SORCS3: variants seen among roughly 807,000 people sequenced by gnomAD.
SORCS3 encodes VPS10 domain-containing receptor SorCS3.
Under a neutral mutation model 146.3 loss-of-function variants are expected in SORCS3, and 57 were observed. That is an observed-to-expected ratio of 0.39 (90% CI 0.31 to 0.49). The LOEUF (loss-of-function observed/expected upper bound fraction) is 0.49, where lower values mean the gene tolerates loss of function less well. Among genes scored for constraint, SORCS3 ranks in the 20% least tolerant of loss-of-function variants. The probability of loss-of-function intolerance (pLI) is 0.92; values close to 1 mark genes in which losing one functional copy is unlikely to be tolerated. For missense variants in SORCS3, 1,341 were observed against 1,575.5 expected, an observed-to-expected ratio of 0.85 and a Z score of 2.52; for synonymous variants, 653 against 618.5, an observed-to-expected ratio of 1.06 and a Z score of -0.83.
chr10:104,974,473 C>G (rs768954444), intron 3 of SORCS3, among the ~76,000 whole-genome samples: 1 of 152,100 alleles, frequency 6.6e-6, no homozygotes, highest in Non-Finnish European at 1.5e-5. Context: ...ATCTTTTGAT[C>G]TTTGTTGTTT....
At chr10:104,868,329 G>T (rs1378404793) in intron 2 of SORCS3, among the ~76,000 whole-genome samples, 1 of 152,200 alleles carries the variant, frequency 6.6e-6, no homozygotes, top group Admixed American at 6.5e-5. Context: ...TATGAGCAAA[G>T]TTCTAACCCC....
At chr10:104,803,715 C>T (rs1390329531) in intron 1 of SORCS3, among the ~76,000 whole-genome samples, 2 of 152,240 alleles carry the variant, frequency 1.3e-5, no homozygotes, top group South Asian at 2.1e-4. Context: ...CTATGTGAGT[C>T]CCCAGGCTCA....
chr10:104,976,292 C>CA (rs1239851041), intron 3 of SORCS3, among the ~76,000 whole-genome samples: 3 of 151,988 alleles, frequency 2.0e-5, no homozygotes, highest in Non-Finnish European at 2.9e-5. Flanking sequence ...TTTATGCAGC[C>CA]AAAAAACACA....
chr10:104,832,516 G>A, intron 1 of SORCS3, among the ~76,000 whole-genome samples: 1 of 152,100 alleles, frequency 6.6e-6, no homozygotes, highest in South Asian at 2.1e-4. Context: ...TTAAGAGTTT[G>A]AGACCAGCCT....
intron 5 of SORCS3, among the ~76,000 whole-genome samples, chr10:105,074,123 C>T (rs944966950): frequency 9.9e-5 from 15 of 152,140 alleles, no homozygotes; most frequent in African/African-American, 3.6e-4. Context: ...AAATAAGGTG[C>T]CTGCCACAGA....
At chr10:104,655,057 A>G (rs951500772) in intron 1 of SORCS3, among the ~76,000 whole-genome samples, 19 of 152,320 alleles carry the variant, frequency 1.2e-4, no homozygotes, top group African/African-American at 4.3e-4. Flanking sequence ...GTTTGAGACC[A>G]GCCTGGCCAA....
At chr10:105,105,587 G>A (rs2055815327) in intron 7 of SORCS3, 72 bp downstream of exon 7, 1 of 1,077,462 alleles carries the variant, frequency 9.3e-7, no homozygotes, top group Non-Finnish European at 1.4e-6. Flanking sequence ...GGAAAAGGAG[G>A]GTGGCTTTCC....
chr10:104,768,731 A>G lies in SORCS3; in HGVS notation c.628-74061A>G, dbSNP rs147137521. On this transcript the variant is annotated intron_variant, in intron 1 of 26. Transcript: ENST00000369701. The stretch of plus-strand genomic sequence containing the variant: ...TCAGAAGCTTCACAAGTCAGAGGTT[A>G]CCCCTTGCTCCCTCCAACCCAATTT... Among the ~76,000 whole-genome samples the G allele has an allele frequency of 3.7e-4, 56 of 152,226 alleles. No individual in the cohort carries two copies. The East Asian group carries it at 0.011, about 30-fold the overall frequency.
chr10:105,194,231 G>T (rs2056532678), intron 14 of SORCS3, among the ~76,000 whole-genome samples: 1 of 152,102 alleles, frequency 6.6e-6, no homozygotes, highest in Non-Finnish European at 1.5e-5. Flanking sequence ...GAAAGTCCCA[G>T]CATATGAAGT....
At chr10:105,121,040 A>G (rs1178305841) in intron 7 of SORCS3, among the ~76,000 whole-genome samples, 1 of 152,206 alleles carries the variant, frequency 6.6e-6, no homozygotes, top group African/African-American at 2.4e-5. Context: ...AGGAAGGCAG[A>G]TGTGTTATCC....
rs1292524517 is a variant in SORCS3 at position 104,741,071 on chromosome 10, C to A, written c.627+99117C>A. Reference sequence around the variant, plus strand: ...TGAACTCTTGGGCTCAAGGGATTCTCCCACATCAGCCTCCCAAGTAGCTGA... The same window carrying A: ...TGAACTCTTGGGCTCAAGGGATTCTACCACATCAGCCTCCCAAGTAGCTGA... On this transcript the variant is annotated intron_variant, in intron 1 of 26. Transcript: ENST00000369701. Among the ~76,000 whole-genome samples, 8 of 151,866 alleles carry A rather than the reference C, an allele frequency of 5.3e-5. No homozygotes were observed. The East Asian group carries it at 1.5e-3, about 29-fold the overall frequency.
rs554449437 is a variant in SORCS3, at chr10:104,720,481, A to T, written c.627+78527A>T. Among the ~76,000 whole-genome samples the T allele has an allele frequency of 5.3e-5, 8 of 152,252 alleles. 1 individual carries two copies. The South Asian group carries it at 1.5e-3, about 28-fold the overall frequency. Reference sequence around the variant, plus strand: ...TAGAAGCATGTTTATAATCCTTTGGATATATACCCAGTAATGGGATGGCTG... The same window carrying T: ...TAGAAGCATGTTTATAATCCTTTGGTTATATACCCAGTAATGGGATGGCTG... On this transcript the variant is annotated intron_variant, in intron 1 of 26. Coordinates refer to ENST00000369701, the MANE Select transcript of SORCS3 (RefSeq NM_014978.3).
chr10:104,762,929 C>T (rs2017139162), intron 1 of SORCS3, among the ~76,000 whole-genome samples: 1 of 152,168 alleles, frequency 6.6e-6, no homozygotes, highest in South Asian at 2.1e-4. Flanking sequence ...GTGACAAATA[C>T]TAGTGCTCAG....
intron 14 of SORCS3, among the ~76,000 whole-genome samples, chr10:105,185,835 G>T (rs1202702380): frequency 6.6e-6 from 1 of 152,020 alleles, no homozygotes; most frequent in Non-Finnish European, 1.5e-5. Flanking sequence ...CAGCACTTAT[G>T]TATTCATAGA....
chr10:105,173,822 C>A (rs892231354), intron 13 of SORCS3, among the ~76,000 whole-genome samples: 42 of 152,150 alleles, frequency 2.8e-4, no homozygotes, highest in African/African-American at 9.7e-4. Flanking sequence ...CATATTAGAC[C>A]TTTCCTCTGT....
At chr10:105,155,521 G>A (rs1027999856) in intron 9 of SORCS3, among the ~76,000 whole-genome samples, 3 of 152,190 alleles carry the variant, frequency 2.0e-5, no homozygotes, top group Non-Finnish European at 2.9e-5. Context: ...CCTCCATCAG[G>A]TAGAAGGTTC....
At chr10:104,926,952 T>C (rs1028667408) in intron 3 of SORCS3, among the ~76,000 whole-genome samples, 2 of 152,206 alleles carry the variant, frequency 1.3e-5, no homozygotes, top group African/African-American at 4.8e-5. Context: ...ATATCGTAAT[T>C]TTTTTAAAAA....
At chr10:104,726,815 T>C (rs563412502) in intron 1 of SORCS3, among the ~76,000 whole-genome samples, 180 of 152,104 alleles carry the variant, frequency 1.2e-3, no homozygotes, top group Non-Finnish European at 2.2e-3. Context: ...GCCCTTTTTT[T>C]CCAGAGCTTC....
At chr10:104,817,355 C>G (rs1201962421) in intron 1 of SORCS3, among the ~76,000 whole-genome samples, 1 of 132,482 alleles carries the variant, frequency 7.5e-6, no homozygotes, top group East Asian at 2.3e-4. Context: ...CTCCTCCCCC[C>G]TCTTCCACCC....
Sources: gnomAD v4.1 joint callset for allele counts (sites outside exome capture counted in the v4.1 genomes callset) on GRCh38, gnomAD v4.1.1 for gene constraint, MANE v1.5 for transcripts, NCBI Gene and HGNC (gene_info 2026-07-23, HGNC 2026-07-21) for gene names.